ABHD5: variants seen among roughly 807,000 people sequenced by gnomAD.
ABHD5 encodes the protein abhydrolase domain containing 5, lysophosphatidic acid acyltransferase.
A neutral mutation model predicts 44.9 loss-of-function variants in ABHD5; 30 were observed. The ratio of observed to expected loss-of-function variants is 0.67; its 90% CI spans 0.50 to 0.91. ABHD5 has a LOEUF of 0.91. ABHD5 is among the 40% of genes least tolerant of loss of function. ABHD5 has a pLI of 0.00. For missense variants in ABHD5, 399 were observed against 423.4 expected (o/e 0.94, Z 0.50); for synonymous variants, 167 against 147.0 (o/e 1.14, Z -0.99).
intron 1 of ABHD5, among the ~76,000 whole-genome samples, chr3:43,692,297 C>A (rs2084403808): frequency 6.6e-6 from 1 of 152,232 alleles, no homozygotes; most frequent in Admixed American, 6.5e-5. Context: ...TGTTGATGAA[C>A]TTCCTCGTTG....
At chr3:43,705,217 G>C (rs888516508) in intron 3 of ABHD5, among the ~76,000 whole-genome samples, 2 of 152,132 alleles carry the variant, frequency 1.3e-5, no homozygotes, top group Non-Finnish European at 2.9e-5. Flanking sequence ...ATTTTGCATA[G>C]AAGTATCAAG....
intron 6 of ABHD5, 104 bp downstream of exon 6, chr3:43,717,961 G>A: frequency 6.9e-7 from 1 of 1,450,350 alleles, no homozygotes. Flanking sequence ...GGTCATCTGA[G>A]CCATACCTGC....
At chr3:43,698,322 C>G (rs1357379865) in intron 1 of ABHD5, among the ~76,000 whole-genome samples, 2 of 152,174 alleles carry the variant, frequency 1.3e-5, no homozygotes, top group Middle Eastern at 3.2e-3. Flanking sequence ...GGATTGGGCC[C>G]TTACCTCTCA....
At chr3:43,715,119 G>GTGTGTCTT in intron 5 of ABHD5, 61 bp downstream of exon 5, 1 of 1,112,142 alleles carries the variant, frequency 9.0e-7, no homozygotes, top group South Asian at 1.3e-5. Context: ...GTGTGTGTGT[G>GTGTGTCTT]TTTGTGTGTG....
chr3:43,723,215 A>C (rs1225046907), downstream of ABHD5, among the ~76,000 whole-genome samples: 5 of 152,244 alleles, frequency 3.3e-5, no homozygotes, highest in Non-Finnish European at 5.9e-5. Context: ...CTCATTGGTC[A>C]CTTTTGGAGG....
chr3:43,699,183 T>C (rs2084509416), intron 1 of ABHD5, 93 bp from the exon 2 acceptor site: 1 of 1,118,376 alleles, frequency 8.9e-7, no homozygotes. Context: ...AGGTAGTAAA[T>C]TTCCTGTGCT....
rs534977084 is a variant in ABHD5, at chr3:43,729,184, C to T, written c.*30-4696C>T. ...GGGGTCAAAGGATGCACAACAGTAA[C>T]GACTTTGTGGTGAGGTTGGCAGAGA... On this transcript the variant is annotated intron_variant, in intron 7 of 7. Coordinates refer to the ABHD5 transcript ENST00000454293. Among the ~76,000 whole-genome samples, 15 of 152,218 alleles carry T rather than the reference C, an allele frequency of 9.9e-5. No individual in the cohort carries two copies. The South Asian group carries it at 2.9e-3, about 29-fold the overall frequency.
At chr3:43,701,471 A>G (rs1333092005) in intron 2 of ABHD5, among the ~76,000 whole-genome samples, 1 of 152,246 alleles carries the variant, frequency 6.6e-6, no homozygotes, top group African/African-American at 2.4e-5. Context: ...ATAGTTAAAT[A>G]TAAATGATTT....
At position 43,715,074 on chromosome 3, in the gene ABHD5, C is replaced by T. The variant is rs770666763; in HGVS notation, c.773+16C>T. ...AGACTCCAAGGTGAGGGTTAGGATT[C>T]TCAATTCACTCTGTGTGTGTGTGTG... On this transcript the variant is annotated intron_variant, in intron 5 of 6. Coordinates refer to ENST00000644371, the MANE Select transcript of ABHD5 (RefSeq NM_016006.6). 6.8e-7 allele frequency: 1 copy of T among 1,477,396 alleles called. No homozygotes were observed. Among genetic ancestry groups the T allele is most frequent in the South Asian group, 1.2e-5 (1 of 86,532 alleles). The allele number at this position is 1,477,396 out of a possible 1,614,324, so 91.5% of individuals were successfully genotyped here.
intron 3 of ABHD5, chr3:43,707,671 C>T (rs139007335): frequency 3.3e-5 from 5 of 152,094 alleles, no homozygotes; most frequent in African/African-American, 9.6e-5. Flanking sequence ...CTCTGTTGCC[C>T]TGGCTGCAGT....
chr3:43,699,582 A>G, intron 2 of ABHD5: 1 of 515,622 alleles, frequency 1.9e-6, no homozygotes, highest in Non-Finnish European at 3.5e-6. Context: ...ATACTCTTAA[A>G]TTAGTAAGGA....
rs538545149 is a variant in ABHD5, at chr3:43,690,967, G to C, written c.-26G>C. ...GGCCTGTCAGCCGGCTTCGAGATAA[G>C]TCCCGGCGCTTGCGCGGCGGCGGCT... On this transcript the variant is annotated 5_prime_UTR_variant, in exon 1 of 7. Coordinates refer to ENST00000644371, the MANE Select transcript of ABHD5 (RefSeq NM_016006.6). 7.7e-6 allele frequency: 12 copies of C among 1,567,146 alleles called. No individual in the cohort carries two copies. In the African/African-American group the frequency reaches 9.9e-5, roughly 13 times the overall value.
intron 3 of ABHD5, among the ~76,000 whole-genome samples, chr3:43,703,085 T>A (rs768603461): frequency 8.6e-5 from 13 of 151,976 alleles, no homozygotes; most frequent in Non-Finnish European, 1.6e-4. Flanking sequence ...TATCCCAGGG[T>A]TTTTTATTAT....
intron 4 of ABHD5, among the ~76,000 whole-genome samples, chr3:43,714,174 G>A (rs1432302482): frequency 3.6e-5 from 5 of 137,566 alleles, no homozygotes; most frequent in East Asian, 2.1e-4. Context: ...TCGCTCTGTC[G>A]CCCAGGTTAG....
intron 3 of ABHD5, chr3:43,707,772 G>A (rs2084640325): frequency 6.6e-6 from 1 of 152,380 alleles, no homozygotes; most frequent in Admixed American, 6.6e-5. Context: ...GGGATTACAG[G>A]TGTGCACCAC....
chr3:43,704,404 GAGA>G (rs1262208218), intron 3 of ABHD5, among the ~76,000 whole-genome samples: 1 of 152,236 alleles, frequency 6.6e-6, no homozygotes, highest in African/African-American at 2.4e-5. Context: ...ATGGTGAAAG[GAGA>G]AGGAAGTAGA....
At position 43,718,007 on chromosome 3, in the gene ABHD5, G is replaced by T. The variant is rs1309549139; in HGVS notation, c.960+150G>T. On this transcript the variant is annotated intron_variant, in intron 6 of 6. Coordinates refer to ENST00000644371, the MANE Select transcript of ABHD5 (RefSeq NM_016006.6). ...GGGGACGTGATACCACCTGTGATGG[G>T]TGCAGGGTTTGGCCTGCACACATCT... 5.0e-5 allele frequency: 50 copies of T among 993,944 alleles called. No individual in the cohort carries two copies. In the East Asian group the frequency reaches 1.2e-3, roughly 24 times the overall value. The allele number at this position is 993,944 out of a possible 1,614,324, so 61.6% of individuals were successfully genotyped here.
intron 3 of ABHD5, among the ~76,000 whole-genome samples, chr3:43,704,226 A>T (rs2149597408): frequency 6.6e-6 from 1 of 151,836 alleles, no homozygotes; most frequent in East Asian, 1.9e-4. Context: ...TTTAGTAGAG[A>T]CAGGGTTTCA....
At chr3:43,733,138 TCA>T (rs1697267285) in intron 7 of ABHD5, among the ~76,000 whole-genome samples, 1 of 152,118 alleles carries the variant, frequency 6.6e-6, no homozygotes, top group Non-Finnish European at 1.5e-5. Flanking sequence ...TAGAAGGAAG[TCA>T]CAGGTTTCAT....
Sources: gnomAD v4.1 joint callset for allele counts (sites outside exome capture counted in the v4.1 genomes callset) on GRCh38, gnomAD v4.1.1 for gene constraint, MANE v1.5 for transcripts, NCBI Gene and HGNC (gene_info 2026-07-23, HGNC 2026-07-21) for gene names.